The following FRMD4A variants were observed in gnomAD, a reference collection of about 807,000 sequenced individuals.
FRMD4A encodes the protein FERM domain-containing protein 4A.
Under a neutral mutation model 129.1 loss-of-function variants are expected in FRMD4A, and 29 were observed. The ratio of observed to expected loss-of-function variants is 0.22; its 90% CI spans 0.17 to 0.31. The LOEUF is 0.31. Ranked by LOEUF, FRMD4A falls within the 10% of genes least tolerant of loss-of-function variation. The pLI is 1.00. For synonymous variants in FRMD4A, 634 were observed against 571.6 expected (o/e 1.11, Z -1.56); for missense variants, 1,272 against 1,375.8 (o/e 0.92, Z 1.19).
chr10:13,927,060 C>A (rs1449889288), intron 2 of FRMD4A, among the ~76,000 whole-genome samples: 1 of 152,096 alleles, frequency 6.6e-6, no homozygotes, highest in Non-Finnish European at 1.5e-5. Flanking sequence ...TGAAGACCAG[C>A]CTGGCCAACA....
chr10:13,666,359 G>C (rs1298554431), intron 17 of FRMD4A, 34 bp from the exon 18 acceptor site: 1 of 1,466,204 alleles, frequency 6.8e-7, no homozygotes, highest in Non-Finnish European at 9.6e-7. Context: ...TGGGTTACTG[G>C]GGATGCTGAG....
At chr10:14,000,112 G>A (rs375046895) in intron 2 of FRMD4A, among the ~76,000 whole-genome samples, 16 of 152,190 alleles carry the variant, frequency 1.1e-4, no homozygotes, top group East Asian at 3.9e-4. Flanking sequence ...TTAAAAATCC[G>A]TAGATGTGGT....
intron 4 of FRMD4A, among the ~76,000 whole-genome samples, chr10:13,805,062 A>G (rs1362270757): frequency 6.6e-6 from 1 of 152,204 alleles, no homozygotes; most frequent in African/African-American, 2.4e-5. Flanking sequence ...GTAAACTTTT[A>G]TGAAGGAAAG....
At chr10:13,972,239 A>G (rs1170981111) in intron 2 of FRMD4A, 1 of 996,796 alleles carries the variant, frequency 1.0e-6, no homozygotes, top group Admixed American at 5.4e-5. Flanking sequence ...CTAAGAGCAG[A>G]GAGCTGCAGC....
intron 15 of FRMD4A, among the ~76,000 whole-genome samples, chr10:13,689,561 T>C (rs2085473555): frequency 6.6e-6 from 1 of 150,858 alleles, no homozygotes; most frequent in East Asian, 1.9e-4. Context: ...TTTTTTTTTT[T>C]TTTTTTAAGA....
At chr10:13,796,695 A>C in intron 4 of FRMD4A, 107 bp from the exon 5 acceptor site, 1 of 654,904 alleles carries the variant, frequency 1.5e-6, no homozygotes, top group Non-Finnish European at 2.8e-6. Context: ...GATAAATTTG[A>C]ACCTTCACCT....
At chr10:14,287,296 C>T (rs1845712288) in intron 2 of FRMD4A, among the ~76,000 whole-genome samples, 1 of 152,312 alleles carries the variant, frequency 6.6e-6, no homozygotes, top group East Asian at 1.9e-4. Context: ...GAGATTACAG[C>T]TTTCTTACAT....
intron 3 of FRMD4A, among the ~76,000 whole-genome samples, chr10:13,836,330 C>T (rs1588961811): frequency 6.6e-6 from 1 of 152,172 alleles, no homozygotes; most frequent in Non-Finnish European, 1.5e-5. Flanking sequence ...GGATGGACAT[C>T]AGTCTGTCTT....
chr10:13,797,116 A>G (rs1588770927), intron 4 of FRMD4A, among the ~76,000 whole-genome samples: 1 of 152,114 alleles, frequency 6.6e-6, no homozygotes, highest in African/African-American at 2.4e-5. Context: ...GTGTGAGGGG[A>G]AGAATAGGAA....
chr10:14,118,915 T>C (rs1838345989), intron 2 of FRMD4A, among the ~76,000 whole-genome samples: 1 of 152,196 alleles, frequency 6.6e-6, no homozygotes, highest in South Asian at 2.1e-4. Flanking sequence ...TCTCTGGCTC[T>C]CTTGGAAATT....
chr10:13,970,058 C>T (rs976148802), intron 2 of FRMD4A, among the ~76,000 whole-genome samples: 1 of 152,158 alleles, frequency 6.6e-6, no homozygotes, highest in Non-Finnish European at 1.5e-5. Context: ...GCTTGAATCT[C>T]CCAGCTGGGG....
intron 2 of FRMD4A, among the ~76,000 whole-genome samples, chr10:14,021,946 C>T (rs972159258): frequency 1.3e-5 from 2 of 151,742 alleles, no homozygotes; most frequent in African/African-American, 4.8e-5. Flanking sequence ...CATGAGATTT[C>T]TGCGTTTTTT....
chr10:14,073,812 A>T lies in FRMD4A; in HGVS notation c.46-214900T>A, dbSNP rs1305185272. Reference sequence around the variant, plus strand: ...TTGCCCTGTATAAATTGGGTCACCAAAAGTTCCTTTTAAATTTTGCATAGG... The same window carrying T: ...TTGCCCTGTATAAATTGGGTCACCATAAGTTCCTTTTAAATTTTGCATAGG... On this transcript the variant is annotated intron_variant, in intron 2 of 24. Coordinates refer to ENST00000357447, the MANE Select transcript of FRMD4A (RefSeq NM_018027.5). Among the ~76,000 whole-genome samples, 3 of 152,182 alleles carry T rather than the reference A, an allele frequency of 2.0e-5. No individual in the cohort carries two copies. In the East Asian group the frequency reaches 5.8e-4, roughly 29 times the overall value.
rs149727197 is a variant in FRMD4A, at chr10:13,817,669, G to A, written c.112-6761C>T. The stretch of plus-strand genomic sequence containing the variant: ...CCCTGCACAAGCTCTCTTGCCTGCC[G>A]CCATGTAAGATGTGCCTTTGCTTCT... On this transcript the variant is annotated intron_variant, in intron 3 of 24. Coordinates refer to ENST00000357447, the MANE Select transcript of FRMD4A (RefSeq NM_018027.5). 2.4e-4 allele frequency among the ~76,000 whole-genome samples: 36 copies of A among 152,294 alleles called. No homozygotes were observed. The East Asian group carries it at 6.0e-3, about 25-fold the overall frequency.
intron 2 of FRMD4A, among the ~76,000 whole-genome samples, chr10:13,895,087 TA>T (rs1339821911): frequency 6.6e-6 from 1 of 152,246 alleles, no homozygotes; most frequent in Non-Finnish European, 1.5e-5. Context: ...TGGGGCTTTT[TA>T]AAAAAGTTGT....
intron 2 of FRMD4A, among the ~76,000 whole-genome samples, chr10:14,045,485 C>T (rs939776410): frequency 6.6e-6 from 1 of 151,858 alleles, no homozygotes; most frequent in Non-Finnish European, 1.5e-5. Context: ...GAGTTATATA[C>T]TTTAAACACA....
At chr10:13,978,990 C>T (rs913845049) in intron 2 of FRMD4A, among the ~76,000 whole-genome samples, 1 of 152,122 alleles carries the variant, frequency 6.6e-6, no homozygotes, top group Non-Finnish European at 1.5e-5. Flanking sequence ...GGAAAGTAAG[C>T]TGCCATATGC....
At chr10:14,014,054 C>T (rs112645852) in intron 2 of FRMD4A, among the ~76,000 whole-genome samples, 1,937 of 152,256 alleles carry the variant, frequency 0.013, 17 homozygotes, top group Non-Finnish European at 0.017. Context: ...GTGAAGACAG[C>T]GCAGTGAGTA....
rs1317208119 is a variant in FRMD4A at position 13,660,416 on chromosome 10, C to T, written c.1798G>A (p.Asp600Asn). 2 of 1,614,058 alleles carry T rather than the reference C, an allele frequency of 1.2e-6. No individual in the cohort carries two copies. Among genetic ancestry groups the T allele is most frequent in the South Asian group, 1.1e-5 (1 of 91,072 alleles). ...GLRQMHYHRN[D>N]YDKSPIKPKM... ...GGCTTGATGGGTGACTTGTCATAGT[C>T]GTTGCGGTGATAGTGCATCTGTCGG... The change falls in exon 20 of 25, where the codon GAC becomes AAC. Residue 600 changes from aspartate (D) to asparagine (N), a missense_variant. By Grantham distance (23) the Asp-to-Asn change is conservative (BLOSUM62 1). Around this residue, in one of 2 missense-constraint regions of FRMD4A, gnomAD observed 972 missense variants for 892.3 expected, o/e 1.09. Transcript: ENST00000357447.
Sources: gnomAD v4.1 joint callset for allele counts (sites outside exome capture counted in the v4.1 genomes callset) on GRCh38, gnomAD v4.1.1 for gene constraint, gnomAD v4.1.1 regional missense constraint, MANE v1.5 for transcripts, NCBI Gene and HGNC (gene_info 2026-07-23, HGNC 2026-07-21) for gene names.